The following STPG2 variants were observed in gnomAD, a reference collection of about 807,000 sequenced individuals.
STPG2 encodes sperm tail PG-rich repeat containing 2, also known as sperm-tail PG-rich repeat-containing protein 2.
A neutral mutation model predicts 54.2 loss-of-function variants in STPG2; 56 were observed. That is an observed-to-expected ratio of 1.03 (90% CI 0.83 to 1.29). The LOEUF is 1.29. STPG2 is among the 50% of genes most tolerant of loss of function. STPG2 has a pLI of 0.00. For synonymous variants in STPG2, 200 were observed against 181.8 expected (o/e 1.10, Z -0.81); for missense variants, 596 against 544.9 (o/e 1.09, Z -0.93).
intron 5 of STPG2, among the ~76,000 whole-genome samples, chr4:98,031,846 CA>C (rs535308310): frequency 6.6e-5 from 10 of 151,934 alleles, no homozygotes; most frequent in Non-Finnish European, 1.5e-4. Context: ...GCAGAATCTA[CA>C]AAGAAAACAA....
chr4:98,067,844 T>G (rs973232636), intron 5 of STPG2, among the ~76,000 whole-genome samples: 1 of 152,156 alleles, frequency 6.6e-6, no homozygotes, highest in Non-Finnish European at 1.5e-5. Context: ...TTGGTTATTA[T>G]AAAAAAGAAC....
chr4:97,830,919 T>C (rs1381105997), intron 9 of STPG2, among the ~76,000 whole-genome samples: 1 of 152,034 alleles, frequency 6.6e-6, no homozygotes, highest in East Asian at 1.9e-4. Context: ...CACACAATAA[T>C]AGTGGGAGAC....
intron 4 of STPG2, among the ~76,000 whole-genome samples, chr4:97,461,245 C>G (rs1729653907): frequency 6.6e-6 from 1 of 151,934 alleles, no homozygotes; most frequent in Non-Finnish European, 1.5e-5. Context: ...TTGGTTGTCT[C>G]TCTTTCTCTT....
intron 5 of STPG2, among the ~76,000 whole-genome samples, chr4:98,068,090 T>C (rs2110105115): frequency 6.6e-6 from 1 of 152,312 alleles, no homozygotes; most frequent in East Asian, 1.9e-4. Flanking sequence ...CTCCTTTTTG[T>C]ATGAACATCA....
At chr4:98,103,705 T>G (rs1739111474) in intron 5 of STPG2, among the ~76,000 whole-genome samples, 1 of 151,624 alleles carries the variant, frequency 6.6e-6, no homozygotes, top group South Asian at 2.1e-4. Flanking sequence ...ATCTTTCATT[T>G]TTGAATCTCT....
At chr4:97,817,162 A>T (rs1467453698) in intron 9 of STPG2, among the ~76,000 whole-genome samples, 2 of 150,076 alleles carry the variant, frequency 1.3e-5, no homozygotes, top group Non-Finnish European at 3.0e-5. Flanking sequence ...CAAGTTATGT[A>T]ACTTCCCTAT....
At chr4:97,865,646 A>G (rs994677749) in intron 8 of STPG2, among the ~76,000 whole-genome samples, 1 of 151,918 alleles carries the variant, frequency 6.6e-6, no homozygotes, top group African/African-American at 2.4e-5. Context: ...GTGGGAATTG[A>G]ACAATGAGAA....
At chr4:97,536,053 G>A (rs1249939299) in intron 4 of STPG2, among the ~76,000 whole-genome samples, 1 of 152,162 alleles carries the variant, frequency 6.6e-6, no homozygotes, top group South Asian at 2.1e-4. Flanking sequence ...ATACCACCCT[G>A]CAGCTTTGAA....
intron 8 of STPG2, among the ~76,000 whole-genome samples, chr4:97,938,545 T>C (rs542243892): frequency 6.6e-6 from 1 of 152,084 alleles, no homozygotes; most frequent in East Asian, 1.9e-4. Context: ...CAATTGACTG[T>C]TGAGAATCTG....
At chr4:97,623,463 AAAGG>A (rs1257359714) in intron 10 of STPG2, among the ~76,000 whole-genome samples, 1 of 152,202 alleles carries the variant, frequency 6.6e-6, no homozygotes. Context: ...TACACTTTTC[AAAGG>A]AAGACATACA....
At chr4:97,622,449 A>AC (rs59141573) in intron 10 of STPG2, among the ~76,000 whole-genome samples, 20,720 of 152,058 alleles carry the variant, frequency 0.14, 4,105 homozygotes, top group African/African-American at 0.44. Context: ...AAATCAGTGT[A>AC]AAAAAACAGC....
chr4:97,513,936 C>T (rs1349850743), intron 4 of STPG2, among the ~76,000 whole-genome samples: 1 of 152,010 alleles, frequency 6.6e-6, no homozygotes, highest in Non-Finnish European at 1.5e-5. Flanking sequence ...ATTAACAGTG[C>T]CCAGTGCTGT....
intron 4 of STPG2, among the ~76,000 whole-genome samples, chr4:97,497,563 C>A (rs1188491241): frequency 2.0e-5 from 3 of 151,826 alleles, no homozygotes; most frequent in African/African-American, 7.2e-5. Context: ...GCATACATTT[C>A]TGCCAATTTC....
intron 5 of STPG2, among the ~76,000 whole-genome samples, chr4:98,088,018 T>C (rs1738575563): frequency 6.6e-6 from 1 of 152,148 alleles, no homozygotes; most frequent in African/African-American, 2.4e-5. Context: ...ATATGTAGAA[T>C]ACCAGCAGTT....
At chr4:97,922,254 G>T (rs559977567) in intron 8 of STPG2, among the ~76,000 whole-genome samples, 11 of 151,916 alleles carry the variant, frequency 7.2e-5, no homozygotes, top group South Asian at 6.2e-4. Context: ...ACATCACATT[G>T]TATGTCATAT....
At chr4:97,882,809 C>T (rs1293479534) in intron 8 of STPG2, among the ~76,000 whole-genome samples, 1 of 152,050 alleles carries the variant, frequency 6.6e-6, no homozygotes, top group African/African-American at 2.4e-5. Flanking sequence ...TGACACAACC[C>T]TCCATGTTAA....
intron 7 of STPG2, among the ~76,000 whole-genome samples, chr4:97,951,633 T>G: frequency 6.6e-6 from 1 of 152,122 alleles, no homozygotes; most frequent in African/African-American, 2.4e-5. Context: ...CATGATAACC[T>G]TCTCAGATGC....
At chr4:97,957,082 T>C (rs1220821398) in intron 7 of STPG2, among the ~76,000 whole-genome samples, 1 of 148,762 alleles carries the variant, frequency 6.7e-6, no homozygotes, top group Non-Finnish European at 1.5e-5. Flanking sequence ...TATATATATA[T>C]GTGAAATATA....
intron 4 of STPG2, among the ~76,000 whole-genome samples, chr4:97,538,808 C>A (rs1168141852): frequency 6.6e-6 from 1 of 152,148 alleles, no homozygotes; most frequent in East Asian, 1.9e-4. Flanking sequence ...TTAGGTTACC[C>A]ACAAAGGGAA....
Sources: gnomAD v4.1 joint callset for allele counts (sites outside exome capture counted in the v4.1 genomes callset) on GRCh38, gnomAD v4.1.1 for gene constraint, MANE v1.5 for transcripts, NCBI Gene and HGNC (gene_info 2026-07-23, HGNC 2026-07-21) for gene names.